CERKL: variants seen among roughly 807,000 people sequenced by gnomAD.
CERKL encodes the protein ceramide kinase-like protein.
A neutral mutation model predicts 63.4 loss-of-function variants in CERKL; 61 were observed. That is an observed-to-expected ratio of 0.96 (90% CI 0.78 to 1.19). The LOEUF (loss-of-function observed/expected upper bound fraction) is 1.19. Ranked by LOEUF, CERKL falls within the 50% of genes most tolerant of loss-of-function variation. The pLI is 0.00. For missense variants in CERKL, 675 were observed against 655.5 expected (o/e 1.03, Z -0.33); for synonymous variants, 250 against 230.5 (o/e 1.08, Z -0.77).
intron 5 of CERKL, among the ~76,000 whole-genome samples, chr2:181,555,047 C>T (rs566607253): frequency 3.3e-5 from 5 of 152,210 alleles, no homozygotes; most frequent in Non-Finnish European, 2.9e-5. Context: ...CTCCCCAAAT[C>T]AGAAATACTC....
intron 2 of CERKL, among the ~76,000 whole-genome samples, chr2:181,587,450 G>A (rs1265564869): frequency 1.3e-5 from 2 of 152,106 alleles, no homozygotes; most frequent in East Asian, 1.9e-4. Context: ...AGCCAAATGT[G>A]TCATCCATAT....
intron 2 of CERKL, among the ~76,000 whole-genome samples, chr2:181,574,193 C>T (rs753252913): frequency 3.3e-5 from 5 of 152,094 alleles, no homozygotes; most frequent in Non-Finnish European, 5.9e-5. Flanking sequence ...ATTTACCAAA[C>T]CACAATATAT....
At chr2:181,648,023 C>T (rs554096171) in intron 1 of CERKL, among the ~76,000 whole-genome samples, 1 of 151,390 alleles carries the variant, frequency 6.6e-6, no homozygotes, top group Non-Finnish European at 1.5e-5. Flanking sequence ...GTGAAATAAC[C>T]CAAAGTTTAA....
chr2:181,630,765 G>A (rs1309762528), intron 1 of CERKL, among the ~76,000 whole-genome samples: 2 of 152,218 alleles, frequency 1.3e-5, no homozygotes, highest in Non-Finnish European at 2.9e-5. Context: ...TATGGCAGCT[G>A]TAGCAGACTC....
chr2:181,549,237 G>A (rs1487795361), intron 6 of CERKL, among the ~76,000 whole-genome samples: 1 of 152,092 alleles, frequency 6.6e-6, no homozygotes, highest in Non-Finnish European at 1.5e-5. Context: ...GACATCTACT[G>A]GCTGAAATTT....
intron 8 of CERKL, chr2:181,548,330 A>G (rs926537763): frequency 1.7e-5 from 9 of 536,338 alleles, no homozygotes; most frequent in African/African-American, 2.7e-5. Context: ...AGGGAGAGAC[A>G]GGGGGAAGGA....
intron 1 of CERKL, among the ~76,000 whole-genome samples, chr2:181,652,305 C>A (rs4666793): frequency 0.71 from 108,660 of 152,018 alleles, 39,722 homozygotes; most frequent in East Asian, 0.92. Flanking sequence ...CAGACAGACC[C>A]ATGAAATAAA....
intron 2 of CERKL, among the ~76,000 whole-genome samples, chr2:181,602,332 T>A (rs925428093): frequency 6.6e-6 from 1 of 152,244 alleles, no homozygotes; most frequent in Admixed American, 6.5e-5. Context: ...GCAAGTTTTA[T>A]GTATTCCTGG....
chr2:181,604,138 G>C, intron 1 of CERKL, 59 bp from the exon 2 acceptor site: 1 of 1,387,042 alleles, frequency 7.2e-7, no homozygotes, highest in Non-Finnish European at 1.0e-6. Context: ...AGGAACAACA[G>C]ACACTGGGGC....
intron 1 of CERKL, among the ~76,000 whole-genome samples, chr2:181,643,776 T>C (rs1033735368): frequency 2.0e-5 from 3 of 152,210 alleles, no homozygotes; most frequent in Admixed American, 2.0e-4. Context: ...CTCTTAAACA[T>C]ACTAATATAT....
At chr2:181,610,324 A>G (rs1559104401) in intron 1 of CERKL, among the ~76,000 whole-genome samples, 1 of 152,244 alleles carries the variant, frequency 6.6e-6, no homozygotes, top group Non-Finnish European at 1.5e-5. Flanking sequence ...AGATTGGCAC[A>G]AGATCAAAAA....
At chr2:181,615,558 A>G (rs1016685537) in intron 1 of CERKL, among the ~76,000 whole-genome samples, 15 of 152,250 alleles carry the variant, frequency 9.9e-5, no homozygotes, top group Non-Finnish European at 2.2e-4. Context: ...GATGGCTCCC[A>G]CAACATAGTG....
intron 1 of CERKL, among the ~76,000 whole-genome samples, chr2:181,641,406 C>T (rs1197481939): frequency 6.7e-6 from 1 of 148,652 alleles, no homozygotes; most frequent in African/African-American, 2.5e-5. Context: ...CCAGGCTGGC[C>T]TCGAACTCCT....
chr2:181,566,575 ATG>A (rs1688675406), intron 3 of CERKL, among the ~76,000 whole-genome samples: 1 of 152,194 alleles, frequency 6.6e-6, no homozygotes, highest in Admixed American at 6.6e-5. Context: ...AACCAGAAGA[ATG>A]TGTACTGGAA....
chr2:181,610,934 C>T (rs918776424), intron 1 of CERKL, among the ~76,000 whole-genome samples: 1 of 152,052 alleles, frequency 6.6e-6, no homozygotes, highest in African/African-American at 2.4e-5. Flanking sequence ...TAAAATAATA[C>T]TTATCCAGGC....
intron 1 of CERKL, among the ~76,000 whole-genome samples, chr2:181,646,359 G>C (rs1687670879): frequency 6.6e-6 from 1 of 152,186 alleles, no homozygotes; most frequent in Non-Finnish European, 1.5e-5. Context: ...GCTAATTCTA[G>C]TTATCCTAGT....
intron 1 of CERKL, among the ~76,000 whole-genome samples, chr2:181,645,441 T>C (rs1301935352): frequency 6.6e-6 from 1 of 152,268 alleles, no homozygotes; most frequent in Non-Finnish European, 1.5e-5. Context: ...ATTTAGTTTC[T>C]ATCCTCCACC....
intron 1 of CERKL, among the ~76,000 whole-genome samples, chr2:181,620,338 T>A (rs1310146252): frequency 6.6e-6 from 1 of 152,164 alleles, no homozygotes; most frequent in Non-Finnish European, 1.5e-5. Flanking sequence ...AGGTAGTACC[T>A]CTGCAGGTCA....
At chr2:181,538,397 T>TTGA (rs1687308838) in intron 12 of CERKL, among the ~76,000 whole-genome samples, 153 bp from the exon 13 acceptor site, 1 of 152,200 alleles carries the variant, frequency 6.6e-6, no homozygotes. Flanking sequence ...GAAGGTCTGA[T>TTGA]TGATAAATCA....
Sources: gnomAD v4.1 joint callset for allele counts (sites outside exome capture counted in the v4.1 genomes callset) on GRCh38, gnomAD v4.1.1 for gene constraint, MANE v1.5 for transcripts, NCBI Gene and HGNC (gene_info 2026-07-23, HGNC 2026-07-21) for gene names.